Variants in CACHD1 observed in about 807,000 individuals in gnomAD.
CACHD1 encodes VWFA and cache domain-containing protein 1.
A neutral mutation model predicts 138.7 loss-of-function variants in CACHD1; 71 were observed. The observed-to-expected ratio is 0.51, with a 90% CI of 0.42 to 0.62. The LOEUF is 0.62. CACHD1 is among the 20% of genes least tolerant of loss of function. The probability of loss-of-function intolerance (pLI) is 0.00; values close to 1 mark genes in which losing one functional copy is unlikely to be tolerated. For synonymous variants in CACHD1, 578 were observed against 591.5 expected (o/e 0.98, Z 0.33); for missense variants, 1,389 against 1,625.3 (o/e 0.85, Z 2.50).
intron 2 of CACHD1, among the ~76,000 whole-genome samples, chr1:64,578,659 T>C (rs1646988091): frequency 6.6e-6 from 1 of 152,210 alleles, no homozygotes; most frequent in African/African-American, 2.4e-5. Flanking sequence ...AGTTTCTTGG[T>C]TCATGCCACA....
chr1:64,560,117 T>G (rs1231239771), intron 2 of CACHD1, among the ~76,000 whole-genome samples: 1 of 152,166 alleles, frequency 6.6e-6, no homozygotes, highest in Non-Finnish European at 1.5e-5. Flanking sequence ...AACTTCTAGC[T>G]AGACAGACAA....
intron 1 of CACHD1, among the ~76,000 whole-genome samples, chr1:64,510,844 T>C (rs993075440): frequency 7.2e-5 from 11 of 152,206 alleles, no homozygotes; most frequent in Admixed American, 7.2e-4. Context: ...ATGTTGCATA[T>C]TGGAGTGCTG....
At chr1:64,520,456 C>G (rs1646490370) in intron 1 of CACHD1, among the ~76,000 whole-genome samples, 2 of 152,160 alleles carry the variant, frequency 1.3e-5, no homozygotes, top group African/African-American at 4.8e-5. Flanking sequence ...GGAGTATGGG[C>G]TTCATGCTTA....
chr1:64,545,249 G>T (rs1395399912), intron 1 of CACHD1, among the ~76,000 whole-genome samples: 2 of 152,198 alleles, frequency 1.3e-5, no homozygotes, highest in Admixed American at 1.3e-4. Flanking sequence ...GCATACAGAA[G>T]AATGCACAAA....
At chr1:64,614,241 A>G (rs971694866) in intron 4 of CACHD1, among the ~76,000 whole-genome samples, 4 of 151,956 alleles carry the variant, frequency 2.6e-5, no homozygotes, top group Non-Finnish European at 4.4e-5. Flanking sequence ...GCATCTGCCT[A>G]TGGATTGCTT....
intron 1 of CACHD1, among the ~76,000 whole-genome samples, chr1:64,535,013 T>G (rs2100413063): frequency 6.6e-6 from 1 of 152,340 alleles, no homozygotes; most frequent in East Asian, 1.9e-4. Context: ...GGGATACCAG[T>G]AGATACTTTT....
At position 64,602,262 on chromosome 1, in the gene CACHD1, T is replaced by G. The variant is rs181339352; in HGVS notation, c.411-544T>G. 2.9e-3 allele frequency among the ~76,000 whole-genome samples: 442 copies of G among 152,306 alleles called. 11 individuals are homozygous for G. Among genetic ancestry groups the G allele is most frequent in the Non-Finnish European group, 9.0e-4 (61 of 68,022 alleles). On this transcript the variant is annotated intron_variant, in intron 3 of 26. Transcript: ENST00000651257. Reference sequence around the variant, plus strand: ...TTTTTATGGCTTTGGAAAATAAGTTTTATTATCTTTTTCAGATAAGAAAAC... The same window carrying G: ...TTTTTATGGCTTTGGAAAATAAGTTGTATTATCTTTTTCAGATAAGAAAAC...
intron 3 of CACHD1, among the ~76,000 whole-genome samples, chr1:64,599,058 A>G (rs886302655): frequency 6.6e-6 from 1 of 151,944 alleles, no homozygotes; most frequent in African/African-American, 2.4e-5. Flanking sequence ...TACCCCTGTC[A>G]CTGAGGTCAC....
At chr1:64,661,930 A>C (rs149707866) in intron 13 of CACHD1, among the ~76,000 whole-genome samples, 255 of 152,342 alleles carry the variant, frequency 1.7e-3, no homozygotes, top group Middle Eastern at 6.8e-3. Flanking sequence ...TTGAAACGTA[A>C]TCCTGGATTA....
At chr1:64,678,371 C>T (rs1650064282) in intron 23 of CACHD1, 61 bp downstream of exon 23, 2 of 1,429,812 alleles carry the variant, frequency 1.4e-6, no homozygotes, top group Admixed American at 2.7e-5. Context: ...TGCCTATATG[C>T]TAGGACATCT....
chr1:64,589,896 G>C (rs550900372), intron 3 of CACHD1, among the ~76,000 whole-genome samples: 6 of 152,112 alleles, frequency 3.9e-5, no homozygotes, highest in Non-Finnish European at 8.8e-5. Flanking sequence ...GGATAGAAAA[G>C]TGTACTACTA....
chr1:64,486,558 G>A (rs796196131), intron 1 of CACHD1, among the ~76,000 whole-genome samples: 4 of 152,190 alleles, frequency 2.6e-5, no homozygotes, highest in African/African-American at 7.2e-5. Context: ...TCCAGGATTA[G>A]AAATAATAAA....
At position 64,487,305 on chromosome 1, in the gene CACHD1, G is replaced by A. The variant is rs1316661900; in HGVS notation, c.198+16363G>A. Among the ~76,000 whole-genome samples the A allele has an allele frequency of 2.6e-5, 4 of 152,156 alleles. 1 individual carries two copies. The East Asian group carries it at 7.7e-4, about 29-fold the overall frequency. ...AGGCTGGTTTTGCCTGTAGTAAAAT[G>A]AGTACATTCAGTAGAAGAGGGCACC... is the stretch of plus-strand genomic sequence containing the variant. On this transcript the variant is annotated intron_variant, in intron 1 of 26. Coordinates refer to ENST00000651257, the MANE Select transcript of CACHD1 (RefSeq NM_020925.4).
chr1:64,564,056 TG>T (rs1646862507), intron 2 of CACHD1, among the ~76,000 whole-genome samples: 1 of 152,158 alleles, frequency 6.6e-6, no homozygotes, highest in South Asian at 2.1e-4. Context: ...TGAGGGTACT[TG>T]GGGAACAGCA....
chr1:64,692,417 T>A lies in CACHD1; in HGVS notation c.*856T>A, dbSNP rs531620825. 6.6e-6 allele frequency: 1 copy of A among 152,300 alleles called. No individual in the cohort carries two copies. Among genetic ancestry groups the A allele is most frequent in the South Asian group, 2.1e-4 (1 of 4,828 alleles). 9.4% of individuals were successfully genotyped at this position (152,300 alleles called of 1,614,324 possible). ...AATTTAAGAGGTTTTAAAAGAAATG[T>A]TATGTTTCTTATGACTTGTTTCCAC... On this transcript the variant is annotated 3_prime_UTR_variant, in exon 27 of 27. Transcript: ENST00000651257.
At chr1:64,564,454 C>T (rs369427311) in intron 2 of CACHD1, among the ~76,000 whole-genome samples, 17 of 152,270 alleles carry the variant, frequency 1.1e-4, no homozygotes, top group African/African-American at 3.9e-4. Flanking sequence ...CATCAATCAT[C>T]TGACCCTTCT....
chr1:64,677,134 A>G, intron 22 of CACHD1, 123 bp downstream of exon 22: 1 of 736,620 alleles, frequency 1.4e-6, no homozygotes, highest in Non-Finnish European at 2.3e-6. Context: ...GCCTTTACCC[A>G]CCAGATTAAA....
Position 64,678,268 on chromosome 1 carries a change from G to T in CACHD1, c.3202G>T (p.Val1068Leu). 1.2e-6 allele frequency: 2 copies of T among 1,600,808 alleles called. No individual in the cohort carries two copies. Among genetic ancestry groups the T allele is most frequent in the Non-Finnish European group, 1.7e-6 (2 of 1,175,442 alleles). Residue 1068 changes from valine to leucine, a missense_variant, in exon 23 of 27, where the codon GTG becomes TTG. Physicochemically the swap from Val to Leu is conservative, Grantham distance 32. Transcript: ENST00000651257. ...CCAGAAAGAATGCTTCGGGGGGATT[G>T]TGGGAGCCAAAAGTCCCTACGTTGA... Reference protein sequence around the residue: ...APQKECFGGIVGAKSPYVDDM... With the variant: ...APQKECFGGILGAKSPYVDDM...
chr1:64,653,852 A>G lies in CACHD1; in HGVS notation c.1635A>G (p.Lys545=). The G allele has an allele frequency of 6.2e-7, 1 of 1,613,448 alleles. No individual in the cohort carries two copies. The highest frequency in any genetic ancestry group is 8.5e-7 in the Non-Finnish European group (1 of 1,179,588). Reference sequence around the variant, plus strand: ...TCATACATTATGAAAATATTCCAAAATTTGAATTAGTTCGGCAAAATATCC... The same window carrying G: ...TCATACATTATGAAAATATTCCAAAGTTTGAATTAGTTCGGCAAAATATCC... ...TDIIHYENIP[K]FELVRQNILS... is the part of the protein sequence containing the mutation. The change falls in exon 11 of 27, where the codon AAA becomes AAG. Residue 545 remains lysine (K), a synonymous_variant. Transcript: ENST00000651257.
Sources: allele counts gnomAD v4.1 joint callset (sites outside exome capture counted in the v4.1 genomes callset), GRCh38; gene constraint gnomAD v4.1.1; transcripts MANE v1.5; gene names NCBI Gene and HGNC (gene_info 2026-07-23, HGNC 2026-07-21).